The following WWOX variants were observed in gnomAD, a reference collection of about 807,000 sequenced individuals.
WWOX encodes WW domain-containing oxidoreductase.
WWOX carries 69 observed loss-of-function variants against 46.2 expected under a neutral mutation model. The observed-to-expected ratio is 1.49, with a 90% CI of 1.23 to 1.82. The LOEUF (loss-of-function observed/expected upper bound fraction) is 1.82. Ranked by LOEUF, WWOX falls within the 40% of genes most tolerant of loss-of-function variation. WWOX has a pLI of 0.00. For missense variants in WWOX, 919 were observed against 542.6 expected (o/e 1.69, Z -6.89); for synonymous variants, 359 against 202.6 (o/e 1.77, Z -6.56).
intron 8 of WWOX, among the ~76,000 whole-genome samples, chr16:79,113,742 C>CT (rs2049459616): frequency 6.6e-6 from 1 of 152,150 alleles, no homozygotes; most frequent in Admixed American, 6.5e-5. Flanking sequence ...ATGGAGCCAA[C>CT]TTTTCACCCG....
intron 5 of WWOX, among the ~76,000 whole-genome samples, chr16:78,230,078 C>G (rs1156631160): frequency 6.6e-6 from 1 of 152,070 alleles, no homozygotes; most frequent in Non-Finnish European, 1.5e-5. Flanking sequence ...TGGGGTTTTA[C>G]CATGTTGCCT....
intron 8 of WWOX, among the ~76,000 whole-genome samples, chr16:79,094,400 C>G (rs1046961244): frequency 6.6e-6 from 1 of 152,026 alleles, no homozygotes; most frequent in Non-Finnish European, 1.5e-5. Flanking sequence ...CAGGCGCCCG[C>G]CACCATGTCC....
intron 8 of WWOX, among the ~76,000 whole-genome samples, chr16:78,734,243 T>G (rs918326032): frequency 6.6e-6 from 1 of 152,124 alleles, no homozygotes; most frequent in Admixed American, 6.5e-5. Context: ...CTCTTGGTTT[T>G]TTTTATAAGT....
rs2046963120 is a variant in WWOX at position 78,651,379 on chromosome 16, G to A, written c.1056+218627G>A. Among the ~76,000 whole-genome samples, 3 of 152,216 alleles carry A rather than the reference G, an allele frequency of 2.0e-5. No homozygotes were observed. The South Asian group carries it at 6.2e-4, about 31-fold the overall frequency. On this transcript the variant is annotated intron_variant, in intron 8 of 8. Transcript: ENST00000566780. ...ATTAGACTCTTAAATATCTGTGGAT[G>A]TCAGGTTGAATACAAGCAGCTATTC...
At chr16:78,736,495 C>T (rs1489913134) in intron 8 of WWOX, among the ~76,000 whole-genome samples, 1 of 152,178 alleles carries the variant, frequency 6.6e-6, no homozygotes, top group East Asian at 1.9e-4. Flanking sequence ...CTCAAAGTCT[C>T]ACATGTGACA....
Position 79,039,740 on chromosome 16 carries a change from C to G in WWOX, c.1057-171868C>G, listed in dbSNP as rs9921878. On this transcript the variant is annotated intron_variant, in intron 8 of 8. Transcript: ENST00000566780. ...AGATGGAAGCAGGAGAGCCTGGGGT[C>G]TTAGTTTCAGTGGCTCTGACTTCAG... Among the ~76,000 whole-genome samples the G allele has an allele frequency of 9.3e-3, 1,412 of 152,274 alleles. 16 individuals are homozygous for G. The highest frequency in any genetic ancestry group is 0.027 in the African/African-American group (1,125 of 41,562).
At chr16:78,386,132 T>C (rs1221392068) in intron 5 of WWOX, among the ~76,000 whole-genome samples, 1 of 152,218 alleles carries the variant, frequency 6.6e-6, no homozygotes, top group Non-Finnish European at 1.5e-5. Context: ...ATCTCTGTGA[T>C]CTCTTGTAAG....
chr16:78,516,564 A>G (rs144088492), intron 8 of WWOX, among the ~76,000 whole-genome samples: 1,624 of 152,326 alleles, frequency 0.011, 27 homozygotes, highest in Middle Eastern at 0.044. Flanking sequence ...TCTTTAAAAT[A>G]TCATGCATAC....
At chr16:78,987,168 G>A (rs927000203) in intron 8 of WWOX, among the ~76,000 whole-genome samples, 8 of 152,172 alleles carry the variant, frequency 5.3e-5, no homozygotes, top group Non-Finnish European at 1.5e-5. Context: ...CACACGGGAG[G>A]TCTTTGAAAT....
chr16:78,347,863 G>A (rs887291460), intron 5 of WWOX, among the ~76,000 whole-genome samples: 2 of 121,052 alleles, frequency 1.7e-5, no homozygotes, highest in African/African-American at 2.8e-5. Flanking sequence ...TTTCCTTAAT[G>A]TTCCTTAAAT....
chr16:78,556,273 A>G (rs1416147314), intron 8 of WWOX, among the ~76,000 whole-genome samples: 2 of 152,050 alleles, frequency 1.3e-5, no homozygotes, highest in South Asian at 2.1e-4. Flanking sequence ...AAAAAAAAAA[A>G]AAAGAAAAAA....
intron 4 of WWOX, among the ~76,000 whole-genome samples, chr16:78,146,840 G>A (rs574473994): frequency 3.5e-4 from 53 of 152,320 alleles, no homozygotes; most frequent in African/African-American, 1.3e-3. Flanking sequence ...GTGCATCCTG[G>A]CATGTGAAAG....
intron 8 of WWOX, among the ~76,000 whole-genome samples, chr16:78,742,186 G>A (rs759777506): frequency 1.3e-5 from 2 of 152,102 alleles, no homozygotes; most frequent in Non-Finnish European, 2.9e-5. Flanking sequence ...ATCGTTTGTC[G>A]ATAAATCAGT....
chr16:79,127,584 A>G (rs960929032), intron 8 of WWOX, among the ~76,000 whole-genome samples: 1 of 152,324 alleles, frequency 6.6e-6, no homozygotes, highest in Non-Finnish European at 1.5e-5. Context: ...CCTTGCACCG[A>G]CATCGCTTCC....
chr16:78,192,454 T>C (rs181406661), intron 5 of WWOX, among the ~76,000 whole-genome samples: 9 of 131,376 alleles, frequency 6.9e-5, no homozygotes, highest in Admixed American at 4.5e-4. Context: ...ATCGCACCAC[T>C]GCACTCCAGC....
At chr16:79,035,943 A>G (rs992333028) in intron 8 of WWOX, among the ~76,000 whole-genome samples, 3 of 152,228 alleles carry the variant, frequency 2.0e-5, no homozygotes, top group Non-Finnish European at 4.4e-5. Context: ...TCAAGATCTT[A>G]GAAGGCCATG....
At chr16:79,068,882 G>A (rs546915757) in intron 8 of WWOX, among the ~76,000 whole-genome samples, 135 of 151,056 alleles carry the variant, frequency 8.9e-4, no homozygotes, top group African/African-American at 3.2e-3. Flanking sequence ...GAGAGAGGAG[G>A]TAGGGAATGA....
rs778546534 is a variant in WWOX at position 78,109,873 on chromosome 16, CTTTTTAATAGGAA to C, written c.230+47_230+59del. On this transcript the variant is annotated intron_variant, in intron 3 of 8. Coordinates refer to ENST00000566780, the MANE Select transcript of WWOX (RefSeq NM_016373.4). Reference sequence around the variant, plus strand: ...AAAGAAACCACTCTCAGCTGTTTTGCTTTTTAATAGGAATTTTTAATTATAAAAGTAATACATA... The same window carrying C: ...AAAGAAACCACTCTCAGCTGTTTTGCTTTTTAATTATAAAAGTAATACATA... 8.7e-6 allele frequency: 14 copies of C among 1,610,858 alleles called. No homozygotes were observed. The East Asian group carries it at 3.1e-4, about 36-fold the overall frequency.
intron 8 of WWOX, among the ~76,000 whole-genome samples, chr16:78,472,446 C>G (rs1318396678): frequency 2.6e-5 from 4 of 152,084 alleles, no homozygotes; most frequent in Non-Finnish European, 5.9e-5. Flanking sequence ...TTAGTAGAAA[C>G]TAATTTCTCT....
Sources: allele counts gnomAD v4.1 joint callset (sites outside exome capture counted in the v4.1 genomes callset), GRCh38; gene constraint gnomAD v4.1.1; transcripts MANE v1.5; gene names NCBI Gene and HGNC (gene_info 2026-07-23, HGNC 2026-07-21).